SAMD12: variants seen among roughly 807,000 people sequenced by gnomAD.
The protein encoded by SAMD12 is sterile alpha motif domain containing 12, also known as sterile alpha motif domain-containing protein 12.
SAMD12 carries 9 observed loss-of-function variants against 15.0 expected under a neutral mutation model. The observed-to-expected ratio is 0.60, with a 90% CI of 0.36 to 1.05. The LOEUF is 1.05. Ranked by LOEUF, SAMD12 falls within the 50% of genes least tolerant of loss-of-function variation. The pLI is 0.01. For synonymous variants in SAMD12, 86 were observed against 90.1 expected (o/e 0.96, Z 0.25); for missense variants, 230 against 234.2 (o/e 0.98, Z 0.12).
intron 2 of SAMD12, among the ~76,000 whole-genome samples, chr8:118,464,121 T>C (rs760543322): frequency 6.6e-6 from 1 of 152,182 alleles, no homozygotes; most frequent in African/African-American, 2.4e-5. Context: ...TACTGTCCTT[T>C]ACCTTCTGGC....
chr8:118,221,501 A>G (rs942343803), intron 4 of SAMD12, among the ~76,000 whole-genome samples: 3 of 152,184 alleles, frequency 2.0e-5, no homozygotes, highest in Non-Finnish European at 4.4e-5. Flanking sequence ...CTGGAATGGC[A>G]AGAAGTAAAA....
intron 2 of SAMD12, among the ~76,000 whole-genome samples, chr8:118,532,795 C>CT (rs1345461746): frequency 6.6e-6 from 1 of 152,060 alleles, no homozygotes; most frequent in Non-Finnish European, 1.5e-5. Flanking sequence ...TCCCCTTTAT[C>CT]ATTTTTTATT....
intron 3 of SAMD12, among the ~76,000 whole-genome samples, chr8:118,406,922 C>G (rs866416422): frequency 7.6e-5 from 8 of 104,666 alleles, no homozygotes; most frequent in African/African-American, 2.0e-4. Context: ...GTGTGTGTGT[C>G]TCCACATTTT....
At chr8:118,169,867 C>T in the SAMD12 span, among the ~76,000 whole-genome samples, 1 of 151,962 alleles carries the variant, frequency 6.6e-6, no homozygotes, top group Non-Finnish European at 1.5e-5. Flanking sequence ...TGTTTTTTAC[C>T]CCACTTGTGG....
At chr8:118,613,467 G>C (rs1828156883) in intron 1 of SAMD12, among the ~76,000 whole-genome samples, 1 of 152,152 alleles carries the variant, frequency 6.6e-6, no homozygotes, top group African/African-American at 2.4e-5. Flanking sequence ...CAGGACTTAT[G>C]TCAGCAGGAC....
At chr8:118,155,363 G>C in the SAMD12 span, among the ~76,000 whole-genome samples, 2 of 151,526 alleles carry the variant, frequency 1.3e-5, no homozygotes, top group Admixed American at 1.3e-4. Context: ...CAGTGTTTTT[G>C]GGGGGGTGGG....
At chr8:118,161,933 G>A in the SAMD12 span, among the ~76,000 whole-genome samples, 1 of 151,894 alleles carries the variant, frequency 6.6e-6, no homozygotes, top group Non-Finnish European at 1.5e-5. Flanking sequence ...GCCCAGGCGG[G>A]TGGATTACCT....
chr8:118,466,093 C>T (rs570493992), intron 2 of SAMD12, among the ~76,000 whole-genome samples: 1 of 152,262 alleles, frequency 6.6e-6, no homozygotes, highest in East Asian at 1.9e-4. Context: ...TCATAACTAA[C>T]ACGTAGCATA....
chr8:118,425,124 C>G (rs539728988), intron 3 of SAMD12, among the ~76,000 whole-genome samples: 41 of 152,026 alleles, frequency 2.7e-4, no homozygotes, highest in African/African-American at 7.0e-4. Context: ...GTGTTCAGTA[C>G]AGACAGGGTT....
At chr8:118,201,364 C>T (rs946225516) in intron 4 of SAMD12, among the ~76,000 whole-genome samples, 1 of 152,190 alleles carries the variant, frequency 6.6e-6, no homozygotes, top group South Asian at 2.1e-4. Context: ...TTCACAACCA[C>T]CTAGAGCGTC....
intron 2 of SAMD12, among the ~76,000 whole-genome samples, chr8:118,512,724 A>G (rs1158616219): frequency 6.6e-6 from 1 of 152,176 alleles, no homozygotes; most frequent in East Asian, 1.9e-4. Flanking sequence ...CCACACTCAA[A>G]CATACCTTGC....
the SAMD12 span, among the ~76,000 whole-genome samples, chr8:118,170,940 T>C: frequency 0.048 from 7,380 of 152,234 alleles, 595 homozygotes; most frequent in African/African-American, 0.17. Context: ...ATAAGGGACT[T>C]GTATTCAAAA....
chr8:118,172,412 A>G, the SAMD12 span, among the ~76,000 whole-genome samples: 5 of 152,182 alleles, frequency 3.3e-5, no homozygotes, highest in Admixed American at 6.5e-5. Context: ...TATAGAATAT[A>G]TATTTGATCA....
intron 3 of SAMD12, among the ~76,000 whole-genome samples, chr8:118,400,881 CT>C (rs1239162919): frequency 6.6e-6 from 1 of 152,164 alleles, no homozygotes; most frequent in African/African-American, 2.4e-5. Flanking sequence ...AATCTTATAA[CT>C]GATAAATGTA....
chr8:118,300,857 TCTA>T lies in SAMD12; in HGVS notation c.433+78700_433+78702del, dbSNP rs1429592131. The stretch of plus-strand genomic sequence containing the variant: ...TTCTTCTGAGTATGTATGCATTTAG[TCTA>T]CTGAGAATTAAACCTTCGATTTCTA... On this transcript the variant is annotated intron_variant, in intron 4 of 4. Transcript: ENST00000409003. Among the ~76,000 whole-genome samples the T allele has an allele frequency of 9.2e-5, 14 of 152,372 alleles. No homozygotes were observed. In the East Asian group the frequency reaches 2.5e-3, roughly 27 times the overall value.
chr8:118,168,859 A>C, the SAMD12 span, among the ~76,000 whole-genome samples: 3 of 152,232 alleles, frequency 2.0e-5, no homozygotes, highest in Admixed American at 2.0e-4. Context: ...ATGAAGATGT[A>C]TATATCCAAG....
At chr8:118,609,222 G>C (rs924986735) in intron 1 of SAMD12, among the ~76,000 whole-genome samples, 1 of 152,202 alleles carries the variant, frequency 6.6e-6, no homozygotes, top group South Asian at 2.1e-4. Context: ...AGTTTGCAAA[G>C]AGAAAATTGT....
In SAMD12 at chr8:118,197,808, T is replaced by A. The variant is rs1819610026; in HGVS notation, c.434-76A>T. On this transcript the variant is annotated intron_variant, in intron 4 of 4. Transcript: ENST00000409003. ...CAGGCACTGATATGTAGCAATTATC[T>A]TATTCAAACAAACCCTAACACCCTT... 3.8e-6 allele frequency: 5 copies of A among 1,305,496 alleles called. No homozygotes were observed. In the South Asian group the frequency reaches 5.9e-5, roughly 15 times the overall value. 80.9% of individuals were successfully genotyped at this position (1,305,496 alleles called of 1,614,324 possible). A position where few individuals can be genotyped will look rare whatever the true frequency, so the allele number is the denominator to read the frequency against.
At chr8:118,345,033 C>A (rs999167944) in intron 4 of SAMD12, among the ~76,000 whole-genome samples, 1 of 152,194 alleles carries the variant, frequency 6.6e-6, no homozygotes, top group Admixed American at 6.5e-5. Context: ...TCACCACTCA[C>A]TGACTCGCTG....
Sources: gnomAD v4.1 joint callset for allele counts (sites outside exome capture counted in the v4.1 genomes callset) on GRCh38, gnomAD v4.1.1 for gene constraint, MANE v1.5 for transcripts, NCBI Gene and HGNC (gene_info 2026-07-23, HGNC 2026-07-21) for gene names.